Variants in NCAM1 observed in about 807,000 individuals in gnomAD.
The protein encoded by NCAM1 is neural cell adhesion molecule 1, also known as antigen recognized by monoclonal antibody 5.1H11.
A neutral mutation model predicts 109.8 loss-of-function variants in NCAM1; 14 were observed. The observed-to-expected ratio is 0.13, with a 90% CI of 0.08 to 0.20. The LOEUF is 0.20. Ranked by LOEUF, NCAM1 falls within the 10% of genes least tolerant of loss-of-function variation. The pLI, the probability that NCAM1 is intolerant of heterozygous loss-of-function variation, is 1.00. For missense variants in NCAM1, 774 were observed against 1,109.9 expected (o/e 0.70, Z 4.30); for synonymous variants, 418 against 442.9 (o/e 0.94, Z 0.70).
At chr11:112,964,570 A>T (rs1320714268) in intron 1 of NCAM1, among the ~76,000 whole-genome samples, 2 of 152,220 alleles carry the variant, frequency 1.3e-5, no homozygotes, top group East Asian at 3.9e-4. Context: ...GAAATCAAGT[A>T]GTATATATAA....
intron 1 of NCAM1, among the ~76,000 whole-genome samples, chr11:113,164,729 C>T (rs1270066932): frequency 6.6e-6 from 1 of 152,182 alleles, no homozygotes; most frequent in African/African-American, 2.4e-5. Context: ...CTCCCAGAAC[C>T]TTTGCCTGGT....
intron 15 of NCAM1, among the ~76,000 whole-genome samples, chr11:113,252,771 G>A (rs902547952): frequency 7.2e-6 from 1 of 138,388 alleles, no homozygotes; most frequent in Non-Finnish European, 1.5e-5. Context: ...CAGTAGCTGG[G>A]ATTACAGGCA....
chr11:113,138,038 A>T (rs1555099798), intron 1 of NCAM1, among the ~76,000 whole-genome samples: 1 of 152,176 alleles, frequency 6.6e-6, no homozygotes, highest in African/African-American at 2.4e-5. Context: ...AAAAATTCTC[A>T]TCTAAGAAAA....
At chr11:113,001,952 G>GAGAGGC (rs1951764365) in intron 1 of NCAM1, among the ~76,000 whole-genome samples, 1 of 152,162 alleles carries the variant, frequency 6.6e-6, no homozygotes, top group South Asian at 2.1e-4. Context: ...TCTCTCCGTG[G>GAGAGGC]AGAGGCAATT....
chr11:113,186,990 A>G (rs1381352920), intron 1 of NCAM1, among the ~76,000 whole-genome samples: 2 of 152,210 alleles, frequency 1.3e-5, no homozygotes, highest in Non-Finnish European at 2.9e-5. Context: ...TGTTGCCATA[A>G]TGGTACTTTC....
At chr11:113,020,816 C>T (rs1407245888) in intron 1 of NCAM1, among the ~76,000 whole-genome samples, 6 of 152,024 alleles carry the variant, frequency 3.9e-5, no homozygotes, top group East Asian at 1.9e-4. Flanking sequence ...AGTGCAGTGG[C>T]GTGATTTCGG....
chr11:112,985,907 T>C (rs1447922535), intron 1 of NCAM1, among the ~76,000 whole-genome samples: 1 of 151,986 alleles, frequency 6.6e-6, no homozygotes, highest in African/African-American at 2.4e-5. Flanking sequence ...TATTTTACTT[T>C]TTCTTGTCTA....
intron 1 of NCAM1, among the ~76,000 whole-genome samples, chr11:113,032,390 A>G (rs962941987): frequency 1.4e-4 from 21 of 152,102 alleles, no homozygotes; most frequent in Non-Finnish European, 2.8e-4. Flanking sequence ...GCCCTGCTCC[A>G]TACAGTCATT....
chr11:113,083,891 G>A lies in NCAM1; in HGVS notation c.53-118488G>A, dbSNP rs537675941. Among the ~76,000 whole-genome samples the A allele has an allele frequency of 2.6e-5, 4 of 152,254 alleles. No individual in the cohort carries two copies. In the East Asian group the frequency reaches 5.8e-4, roughly 22 times the overall value. Reference sequence around the variant, plus strand: ...GCAAAATCACCAGCCCAGAGCAGACGTTTGTCCCTGGTCTCAGTAAAAAAG... The same window carrying A: ...GCAAAATCACCAGCCCAGAGCAGACATTTGTCCCTGGTCTCAGTAAAAAAG... On this transcript the variant is annotated intron_variant, in intron 1 of 19. Coordinates refer to ENST00000316851, the MANE Select transcript of NCAM1 (RefSeq NM_181351.5).
chr11:113,250,943 G>A (rs1376884465), intron 15 of NCAM1, among the ~76,000 whole-genome samples: 3 of 151,374 alleles, frequency 2.0e-5, no homozygotes, highest in Middle Eastern at 3.4e-3. Context: ...GATTACAGAC[G>A]CATGCCACCA....
intron 17 of NCAM1, chr11:113,265,012 G>C: frequency 1.0e-6 from 1 of 985,468 alleles, no homozygotes; most frequent in Non-Finnish European, 1.2e-6. Context: ...CCTGTGCCCT[G>C]TAGTTGTGCT....
chr11:113,220,602 C>CTCTTTTTTT (rs1319361444), intron 8 of NCAM1, among the ~76,000 whole-genome samples: 2 of 75,584 alleles, frequency 2.6e-5, no homozygotes, highest in African/African-American at 1.2e-4. Context: ...CTCTCTCTCT[C>CTCTTTTTTT]TTTTTTTTTT....
In NCAM1 at chr11:112,963,730, G is replaced by A. The variant is rs1203912186; in HGVS notation, c.52+2066G>A. ...ACAATGGAGCCCGGATATTTGGTGG[G>A]CCTTTTGGGGGATCGCCTGGCGGTC... On this transcript the variant is annotated intron_variant, in intron 1 of 19. Coordinates refer to ENST00000316851, the MANE Select transcript of NCAM1 (RefSeq NM_181351.5). The surrounding 1 kb of genome is among the most constrained non-coding windows in gnomAD (Gnocchi z 4.6). 1.3e-5 allele frequency among the ~76,000 whole-genome samples: 2 copies of A among 152,250 alleles called. No individual in the cohort carries two copies. The highest frequency in any genetic ancestry group is 1.3e-4 in the Admixed American group (2 of 15,292).
chr11:113,252,799 CTTTTTTTTT>C (rs33948720), intron 15 of NCAM1, among the ~76,000 whole-genome samples: 2 of 39,706 alleles, frequency 5.0e-5, no homozygotes, highest in African/African-American at 9.6e-5. Flanking sequence ...CTATGCCCAG[CTTTTTTTTT>C]TTTTTTTTTT....
intron 14 of NCAM1, chr11:113,242,861 G>A (rs369806703): frequency 3.1e-6 from 5 of 1,613,966 alleles, no homozygotes; most frequent in Admixed American, 1.7e-5. Flanking sequence ...GTACAGGGCT[G>A]AGTTGCTCTC....
chr11:112,984,749 A>AT (rs1203597629), intron 1 of NCAM1, among the ~76,000 whole-genome samples: 1,570 of 148,180 alleles, frequency 0.011, 26 homozygotes, highest in African/African-American at 0.036. Flanking sequence ...TGGTTTATTC[A>AT]TTTTTTTTTG....
chr11:113,235,306 C>T (rs782311435), intron 14 of NCAM1, 142 bp downstream of exon 14: 14 of 1,541,592 alleles, frequency 9.1e-6, no homozygotes, highest in Admixed American at 1.7e-5. Flanking sequence ...GGCCCCACCT[C>T]CTAGTTCTCT....
intron 1 of NCAM1, among the ~76,000 whole-genome samples, chr11:113,086,041 G>A (rs564468468): frequency 6.6e-6 from 1 of 152,344 alleles, no homozygotes; most frequent in South Asian, 2.1e-4. Flanking sequence ...CTTGGTAGAT[G>A]ATAATAGATG....
chr11:113,094,173 C>A (rs190433060), intron 1 of NCAM1, among the ~76,000 whole-genome samples: 1 of 152,104 alleles, frequency 6.6e-6, no homozygotes, highest in African/African-American at 2.4e-5. Context: ...CATCTGTTGA[C>A]CATTTGGCCA....
Sources: allele counts gnomAD v4.1 joint callset (sites outside exome capture counted in the v4.1 genomes callset), GRCh38; gene constraint gnomAD v4.1.1; non-coding constraint Gnocchi (gnomAD v3.1); transcripts MANE v1.5; gene names NCBI Gene and HGNC (gene_info 2026-07-23, HGNC 2026-07-21).